RADIL: variants seen among roughly 807,000 people sequenced by gnomAD.
RADIL encodes Rap associating with DIL domain.
RADIL carries 99 observed loss-of-function variants against 97.6 expected under a neutral mutation model. The ratio of observed to expected loss-of-function variants is 1.01; its 90% confidence interval spans 0.86 to 1.20. RADIL has a LOEUF of 1.20. RADIL is among the 50% of genes most tolerant of loss of function. The pLI, the probability that RADIL is intolerant of heterozygous loss-of-function variation, is 0.00. For synonymous variants in RADIL, 803 were observed against 691.8 expected (o/e 1.16, Z -2.52); for missense variants, 1,765 against 1,498.9 (o/e 1.18, Z -2.93).
chr7:4,850,941 C>T (rs933518939), intron 2 of RADIL, among the ~76,000 whole-genome samples: 5 of 152,138 alleles, frequency 3.3e-5, no homozygotes, highest in Non-Finnish European at 5.9e-5. Context: ...GTGGCTCACA[C>T]CTGGAATCCC....
chr7:4,799,038 A>C lies in RADIL; in HGVS notation c.*340T>G, dbSNP rs1562422416. ...CCGGTGGCAGGCAGAGGCCATGGGG[A>C]GCCCCTGCGGCCCCTCCGAGCAGCC... On this transcript the variant is annotated 3_prime_UTR_variant, in exon 15 of 15. Transcript: ENST00000399583. 7.0e-6 allele frequency: 2 copies of C among 286,654 alleles called. No individual in the cohort carries two copies. Among genetic ancestry groups the C allele is most frequent in the Non-Finnish European group, 1.4e-5 (2 of 147,194 alleles). 17.8% of individuals were successfully genotyped at this position (286,654 alleles called of 1,614,324 possible). A position where few individuals can be genotyped will look rare whatever the true frequency, so the allele number is the denominator to read the frequency against.
At chr7:4,799,583 G>T (rs745644874) in intron 14 of RADIL, 47 bp downstream of exon 14, 1 of 1,608,048 alleles carries the variant, frequency 6.2e-7, no homozygotes, top group South Asian at 1.1e-5. Flanking sequence ...ACTCCCCTGA[G>T]CAGGGCATCT....
Position 4,815,041 on chromosome 7 carries a change from AAT to A in RADIL, c.2139+235_2139+236del, listed in dbSNP as rs1782642025. ...CAGAGGCTTCTTTGCCATGTGGGGT[AAT>A]ACGGTCACAGGGTAAGACGGTCACG... is the stretch of plus-strand genomic sequence containing the variant. On this transcript the variant is annotated intron_variant, in intron 9 of 14. Transcript: ENST00000399583. The surrounding 1 kb of genome is among the most constrained non-coding windows in gnomAD (Gnocchi z 8.0). 6.6e-6 allele frequency among the ~76,000 whole-genome samples: 1 copy of A among 152,198 alleles called. No homozygotes were observed. Among genetic ancestry groups the A allele is most frequent in the Non-Finnish European group, 1.5e-5 (1 of 68,032 alleles).
Position 4,877,871 on chromosome 7 carries a change from C to T in RADIL, c.269G>A (p.Arg90His), listed in dbSNP as rs369472639. The T allele has an allele frequency of 2.3e-5, 37 of 1,605,504 alleles. No individual in the cohort carries two copies. Among genetic ancestry groups the T allele is most frequent in the African/African-American group, 2.1e-4 (16 of 74,940 alleles). The part of the protein sequence containing the change: ...SVLATGTSSA[R>H]ELVKEALERY... ...CTCCAGCGCCTCCTTCACCAGCTCACGGGCGCTGGAGGTGCCGGTGGCCAG... is the reference window on the plus strand; with the variant it reads ...CTCCAGCGCCTCCTTCACCAGCTCATGGGCGCTGGAGGTGCCGGTGGCCAG... Residue 90 changes from arginine to histidine, a missense_variant, in exon 2 of 15, where the codon CGT becomes CAT. Arg to His is a conservative substitution (Grantham distance 29). Coordinates refer to ENST00000399583, the MANE Select transcript of RADIL (RefSeq NM_018059.5).
intron 2 of RADIL, among the ~76,000 whole-genome samples, chr7:4,863,394 G>T (rs970792726): frequency 1.3e-5 from 2 of 152,102 alleles, no homozygotes; most frequent in African/African-American, 4.8e-5. Flanking sequence ...TGTTATCCAA[G>T]AACTCAGAGT....
Position 4,849,029 on chromosome 7 carries a change from T to C in RADIL, c.536-12424A>G, listed in dbSNP as rs1326926228. On this transcript the variant is annotated intron_variant, in intron 2 of 14. Coordinates refer to ENST00000399583, the MANE Select transcript of RADIL (RefSeq NM_018059.5). The surrounding 1 kb of genome is among the most constrained non-coding windows in gnomAD (Gnocchi z 5.4). Reference sequence around the variant, plus strand: ...GGCATATGCCTGTAATCCCAGCTACTCGAGAGACTGAAGCAGGAGAATCGT... The same window carrying C: ...GGCATATGCCTGTAATCCCAGCTACCCGAGAGACTGAAGCAGGAGAATCGT... Among the ~76,000 whole-genome samples the C allele has an allele frequency of 2.0e-5, 3 of 151,682 alleles. No homozygotes were observed. Among genetic ancestry groups the C allele is most frequent in the Non-Finnish European group, 2.9e-5 (2 of 67,974 alleles).
Position 4,812,520 on chromosome 7 carries a change from C to G in RADIL, c.2139+2758G>C, listed in dbSNP as rs144352757. Among the ~76,000 whole-genome samples the G allele has an allele frequency of 2.2e-3, 331 of 152,272 alleles. 2 individuals carry two copies. The highest frequency in any genetic ancestry group is 7.4e-3 in the African/African-American group (308 of 41,544). On this transcript the variant is annotated intron_variant, in intron 9 of 14. Transcript: ENST00000399583. ...CACTGCAGCCTCTGCCCCCCAGGTTCAAGGGATTCTCCTGCCTCAGCCTCC... is the reference window on the plus strand; with the variant it reads ...CACTGCAGCCTCTGCCCCCCAGGTTGAAGGGATTCTCCTGCCTCAGCCTCC...
rs973316127 is a variant in RADIL, at chr7:4,880,617, G to A, written c.-64-2414C>T. Among the ~76,000 whole-genome samples, 4 of 152,194 alleles carry A rather than the reference G, an allele frequency of 2.6e-5. No individual in the cohort carries two copies. The highest frequency in any genetic ancestry group is 9.7e-5 in the African/African-American group (4 of 41,450). ...TCCAGGCAGCACACACTGGCAGAGG[G>A]TCGGCCACCACCTTTTCATAGTGCT... On this transcript the variant is annotated intron_variant, in intron 1 of 14. Coordinates refer to ENST00000399583, the MANE Select transcript of RADIL (RefSeq NM_018059.5). This position sits in a 1 kb window ranked among gnomAD's most constrained non-coding sequence, Gnocchi z 4.5.
At chr7:4,858,237 T>A (rs1252830151) in intron 2 of RADIL, 1 of 152,180 alleles carries the variant, frequency 6.6e-6, no homozygotes, top group Non-Finnish European at 1.5e-5. Context: ...AGAGTTTAAG[T>A]AATTGCAGTT....
chr7:4,869,062 G>A (rs1313664019), intron 2 of RADIL, among the ~76,000 whole-genome samples: 1 of 152,234 alleles, frequency 6.6e-6, no homozygotes, highest in East Asian at 1.9e-4. Context: ...GAGAAGTGGA[G>A]GTTGCAGTGA....
chr7:4,815,323 G>T lies in RADIL; in HGVS notation c.2094C>A (p.Ser698=), dbSNP rs1782649157. The change falls in exon 9 of 15, where the codon TCC becomes TCA. Residue 698 remains serine (S), a synonymous_variant. Coordinates refer to ENST00000399583, the MANE Select transcript of RADIL (RefSeq NM_018059.5). This position sits in a 1 kb window ranked among gnomAD's most constrained non-coding sequence, Gnocchi z 8.0. Reference sequence around the variant, plus strand: ...GTGTGGCCAGCAGGTTGAGGGTGCAGGAGAGCTTCTGGAAGAAGTGCTCTC... The same window carrying T: ...GTGTGGCCAGCAGGTTGAGGGTGCATGAGAGCTTCTGGAAGAAGTGCTCTC... The part of the protein sequence containing the change: ...AAGEHFFQKL[S]CTLNLLATPR... 14 of 1,559,656 alleles carry T rather than the reference G, an allele frequency of 9.0e-6. No homozygotes were observed. Among genetic ancestry groups the T allele is most frequent in the Non-Finnish European group, 1.2e-5 (14 of 1,153,210 alleles).
intron 5 of RADIL, among the ~76,000 whole-genome samples, chr7:4,823,321 T>G (rs1028098981): frequency 2.0e-5 from 3 of 150,774 alleles, no homozygotes; most frequent in African/African-American, 7.4e-5. Flanking sequence ...TCTGGCTAAT[T>G]ATTAAAAACC....
In RADIL at chr7:4,842,932, C is replaced by T. The variant is rs1004374420; in HGVS notation, c.536-6327G>A. Among the ~76,000 whole-genome samples the T allele has an allele frequency of 2.0e-5, 3 of 151,710 alleles. No individual in the cohort carries two copies. The highest frequency in any genetic ancestry group is 1.9e-4 in the East Asian group (1 of 5,162). Reference sequence around the variant, plus strand: ...TGGTCACCATAATACCCTGCAGCCTCGAAATTCTGGCCTCAGGGCCTCAGA... The same window carrying T: ...TGGTCACCATAATACCCTGCAGCCTTGAAATTCTGGCCTCAGGGCCTCAGA... On this transcript the variant is annotated intron_variant, in intron 2 of 14. Transcript: ENST00000399583. This position sits in a 1 kb window ranked among gnomAD's most constrained non-coding sequence, Gnocchi z 4.5.
At position 4,799,621 on chromosome 7, in the gene RADIL, TG is replaced by T. The variant is rs556124801; in HGVS notation, c.3122+8del. The T allele has an allele frequency of 7.3e-5, 117 of 1,605,648 alleles. No homozygotes were observed. The highest frequency in any genetic ancestry group is 9.6e-5 in the Non-Finnish European group (113 of 1,176,030). ...GAGAAGGGGCCGGGCGTGCATGCGG[TG>T]GGGGTACCTCAGGTAGCCAAGGCCC... On this transcript the variant is annotated splice_region_variant and intron_variant, in intron 14 of 14. Transcript: ENST00000399583.
chr7:4,835,254 C>T lies in RADIL; in HGVS notation c.784-15G>A. On this transcript the variant is annotated splice_polypyrimidine_tract_variant and intron_variant, in intron 3 of 14. Coordinates refer to ENST00000399583, the MANE Select transcript of RADIL (RefSeq NM_018059.5). The surrounding 1 kb of genome is among the most constrained non-coding windows in gnomAD (Gnocchi z 5.8). ...ACCAGGCTGTCCTGAAACAGAGACT[C>T]CGCTCAGGGCAGGCGTAACGCGAGC... 3 of 1,605,394 alleles carry T rather than the reference C, an allele frequency of 1.9e-6. No individual in the cohort carries two copies. The highest frequency in any genetic ancestry group is 1.7e-6 in the Non-Finnish European group (2 of 1,179,474).
In RADIL at chr7:4,818,265, C is replaced by G. The variant is rs1193381785; in HGVS notation, c.1616-914G>C. ...TGAGCCAGGCCAACACTCACCCCAG[C>G]GCGGGCCTCCCAGGAGCACAGGCCC... On this transcript the variant is annotated intron_variant, in intron 6 of 14. Coordinates refer to ENST00000399583, the MANE Select transcript of RADIL (RefSeq NM_018059.5). The surrounding 1 kb of genome is among the most constrained non-coding windows in gnomAD (Gnocchi z 7.1). Among the ~76,000 whole-genome samples, 1 of 152,194 alleles carries G rather than the reference C, an allele frequency of 6.6e-6. No individual in the cohort carries two copies. Among genetic ancestry groups the G allele is most frequent in the African/African-American group, 2.4e-5 (1 of 41,444 alleles).
At position 4,862,060 on chromosome 7, in the gene RADIL, G is replaced by A. The variant is rs559204555; in HGVS notation, c.535+15545C>T. 63 of 381,014 alleles carry A rather than the reference G, an allele frequency of 1.7e-4. No homozygotes were observed. In the South Asian group the frequency reaches 8.2e-3, roughly 50 times the overall value. The allele number at this position is 381,014 out of a possible 1,614,324, so 23.6% of individuals were successfully genotyped here. A position where few individuals can be genotyped will look rare whatever the true frequency, so the allele number is the denominator to read the frequency against. On this transcript the variant is annotated intron_variant, in intron 2 of 14. Coordinates refer to ENST00000399583, the MANE Select transcript of RADIL (RefSeq NM_018059.5). Reference sequence around the variant, plus strand: ...TACACGCGCGGGCGCCTGCGCACCCGCCGCCAGCGCGAGGGCTCACGGGAG... The same window carrying A: ...TACACGCGCGGGCGCCTGCGCACCCACCGCCAGCGCGAGGGCTCACGGGAG...
intron 9 of RADIL, chr7:4,809,172 G>A: frequency 1.0e-5 from 10 of 985,164 alleles, no homozygotes; most frequent in South Asian, 4.7e-5. Context: ...AAGACCCCTG[G>A]CGCTGTCCCC....
chr7:4,831,119 A>AGGT (rs1562441158), intron 5 of RADIL, among the ~76,000 whole-genome samples: 1 of 150,974 alleles, frequency 6.6e-6, no homozygotes. Context: ...CGAACCTGAG[A>AGGT]GGTGGAGGTT....
Sources: allele counts gnomAD v4.1 joint callset (sites outside exome capture counted in the v4.1 genomes callset), GRCh38; gene constraint gnomAD v4.1.1; non-coding constraint Gnocchi (gnomAD v3.1); transcripts MANE v1.5; gene names NCBI Gene and HGNC (gene_info 2026-07-23, HGNC 2026-07-21).